The following HECW1 variants were observed in gnomAD, a reference collection of about 807,000 sequenced individuals.
HECW1 encodes the protein HECT, C2 and WW domain containing E3 ubiquitin protein ligase 1.
HECW1 carries 61 observed loss-of-function variants against 182.3 expected under a neutral mutation model. The ratio of observed to expected loss-of-function variants is 0.33; its 90% CI spans 0.27 to 0.41. The LOEUF is 0.41. Ranked by LOEUF, HECW1 falls within the 10% of genes least tolerant of loss-of-function variation. The pLI is 1.00. For missense variants in HECW1, 1,739 were observed against 2,108.9 expected, an observed-to-expected ratio of 0.82 and a Z score of 3.44; for synonymous variants, 859 against 832.6, an observed-to-expected ratio of 1.03 and a Z score of -0.55.
Position 43,184,368 on chromosome 7 carries a change from G to A in HECW1, c.-31-59507G>A, listed in dbSNP as rs185506397. 4.7e-4 allele frequency among the ~76,000 whole-genome samples: 71 copies of A among 152,286 alleles called. No individual in the cohort carries two copies. In the East Asian group the frequency reaches 5.4e-3, roughly 12 times the overall value. ...TTCAAGCTATCAGTGTGATGCTACC[G>A]AACACTGAGTTGGGCAGAGATGCCC... is the stretch of plus-strand genomic sequence containing the variant. On this transcript the variant is annotated intron_variant, in intron 2 of 29. Transcript: ENST00000395891.
intron 16 of HECW1, among the ~76,000 whole-genome samples, chr7:43,477,253 G>A (rs754800273): frequency 6.6e-6 from 1 of 152,260 alleles, no homozygotes; most frequent in African/African-American, 2.4e-5. Context: ...TGTGAAGATA[G>A]TTTATTAGTA....
rs538672907 is a variant in HECW1, at chr7:43,444,432, A to C, written c.1260A>C (p.Ala420=). Residue 420 remains alanine (A), a synonymous_variant, in exon 11 of 30, where the codon GCA becomes GCC. Transcript: ENST00000395891. The surrounding 1 kb of genome is among the most constrained non-coding windows in gnomAD (Gnocchi z 4.3). ...TTTCCAGACCAGCTGAGGAAGCAGCAGTCATCACGGAGGCAGGAGACCAGG... is the reference window on the plus strand; with the variant it reads ...TTTCCAGACCAGCTGAGGAAGCAGCCGTCATCACGGAGGCAGGAGACCAGG... ...IELSRPAEEA[A]VITEAGDQGM... The C allele has an allele frequency of 1.2e-6, 2 of 1,613,990 alleles. No homozygotes were observed. The highest frequency in any genetic ancestry group is 2.2e-5 in the East Asian group (1 of 44,878).
chr7:43,189,112 A>G (rs1236941079), intron 2 of HECW1, among the ~76,000 whole-genome samples: 2 of 152,214 alleles, frequency 1.3e-5, no homozygotes, highest in Non-Finnish European at 2.9e-5. Context: ...AAGCTTGTTT[A>G]TGCCAGTAAT....
intron 2 of HECW1, among the ~76,000 whole-genome samples, chr7:43,229,881 G>A (rs535577888): frequency 6.6e-6 from 1 of 152,260 alleles, no homozygotes; most frequent in South Asian, 2.1e-4. Context: ...GTATTGGGTT[G>A]GTGCAAAAGT....
At chr7:43,195,421 C>G (rs982608544) in intron 2 of HECW1, among the ~76,000 whole-genome samples, 1 of 152,168 alleles carries the variant, frequency 6.6e-6, no homozygotes, top group Non-Finnish European at 1.5e-5. Context: ...CTGGCTGCCT[C>G]AGGAAGTTGC....
intron 8 of HECW1, among the ~76,000 whole-genome samples, chr7:43,410,939 T>C (rs999380472): frequency 2.4e-4 from 37 of 152,112 alleles, no homozygotes; most frequent in African/African-American, 8.4e-4. Context: ...TTGTTTATTT[T>C]GTGAAAGAAC....
intron 3 of HECW1, among the ~76,000 whole-genome samples, chr7:43,247,788 AGAAAAG>A (rs1321512430): frequency 7.9e-6 from 1 of 125,852 alleles, no homozygotes; most frequent in Non-Finnish European, 1.6e-5. Flanking sequence ...AGAGAAAAAA[AGAAAAG>A]AAGGAGGGAA....
chr7:43,124,862 A>T (rs1306388328), intron 2 of HECW1, among the ~76,000 whole-genome samples: 3 of 152,008 alleles, frequency 2.0e-5, no homozygotes, highest in African/African-American at 7.2e-5. Flanking sequence ...TGATTTTACA[A>T]TACTCAGTGG....
chr7:43,507,472 G>A (rs1456612876), intron 22 of HECW1, among the ~76,000 whole-genome samples: 1 of 152,108 alleles, frequency 6.6e-6, no homozygotes, highest in East Asian at 1.9e-4. Context: ...GTAAGAGAGG[G>A]AAAGAGAATG....
chr7:43,339,116 C>T (rs1812648378), intron 5 of HECW1, among the ~76,000 whole-genome samples: 1 of 152,168 alleles, frequency 6.6e-6, no homozygotes, highest in Admixed American at 6.5e-5. Flanking sequence ...TGGATTTCAT[C>T]AGTTTAACTA....
At chr7:43,452,971 G>A (rs2077283154) in intron 12 of HECW1, among the ~76,000 whole-genome samples, 1 of 152,206 alleles carries the variant, frequency 6.6e-6, no homozygotes, top group Non-Finnish European at 1.5e-5. Flanking sequence ...ACTGAGGAAG[G>A]GAGAAGGCAG....
chr7:43,193,075 C>A (rs956575266), intron 2 of HECW1, among the ~76,000 whole-genome samples: 1 of 152,208 alleles, frequency 6.6e-6, no homozygotes, highest in South Asian at 2.1e-4. Context: ...GGTCCCTCCC[C>A]CTTTCACACC....
chr7:43,489,115 G>A (rs1157415672), intron 17 of HECW1, among the ~76,000 whole-genome samples: 3 of 152,224 alleles, frequency 2.0e-5, no homozygotes, highest in Non-Finnish European at 2.9e-5. Context: ...CTTTCACTCA[G>A]GGCGAAACAA....
chr7:43,270,887 G>C (rs1002302002), intron 3 of HECW1, among the ~76,000 whole-genome samples: 6 of 152,112 alleles, frequency 3.9e-5, no homozygotes, highest in Admixed American at 1.3e-4. Flanking sequence ...AAAGTACCTA[G>C]AGATAACTTT....
At chr7:43,183,699 T>C (rs1793084488) in intron 2 of HECW1, among the ~76,000 whole-genome samples, 1 of 152,218 alleles carries the variant, frequency 6.6e-6, no homozygotes, top group Non-Finnish European at 1.5e-5. Flanking sequence ...CAATCTATGG[T>C]TACAACTGAT....
In HECW1 at chr7:43,338,034, A is replaced by G. The variant is rs1294938156; in HGVS notation, c.460+17292A>G. On this transcript the variant is annotated intron_variant, in intron 5 of 29. Transcript: ENST00000395891. The stretch of plus-strand genomic sequence containing the variant: ...GTGCCAGAGAGCTAAAACTGGTTTC[A>G]GGCAACTCAGTCCTCCACCATCTGA... 4.6e-5 allele frequency among the ~76,000 whole-genome samples: 7 copies of G among 152,338 alleles called. No individual in the cohort carries two copies. The South Asian group carries it at 1.0e-3, about 23-fold the overall frequency.
intron 4 of HECW1, among the ~76,000 whole-genome samples, chr7:43,317,428 G>A (rs1293566235): frequency 6.6e-6 from 1 of 152,254 alleles, no homozygotes; most frequent in East Asian, 1.9e-4. Flanking sequence ...CCTCGTTGGA[G>A]AGCCAGTTAG....
At chr7:43,349,655 G>C (rs771448795) in intron 5 of HECW1, among the ~76,000 whole-genome samples, 3 of 152,026 alleles carry the variant, frequency 2.0e-5, no homozygotes, top group Non-Finnish European at 4.4e-5. Context: ...AGTTTGTTTT[G>C]TCTTATATAA....
intron 2 of HECW1, among the ~76,000 whole-genome samples, chr7:43,153,038 G>C (rs144533306): frequency 2.8e-4 from 43 of 152,286 alleles, no homozygotes; most frequent in African/African-American, 1.0e-3. Flanking sequence ...GCGAGAGCCA[G>C]CTTTCCCTAT....
Sources: gnomAD v4.1 joint callset for allele counts (sites outside exome capture counted in the v4.1 genomes callset) on GRCh38, gnomAD v4.1.1 for gene constraint, Gnocchi (gnomAD v3.1) non-coding constraint, MANE v1.5 for transcripts, NCBI Gene and HGNC (gene_info 2026-07-23, HGNC 2026-07-21) for gene names.